The following PLXNA4 variants were observed in gnomAD, a reference collection of about 807,000 sequenced individuals.
PLXNA4 encodes plexin A4, also known as plexin-A4.
A neutral mutation model predicts 191.8 loss-of-function variants in PLXNA4; 44 were observed. That is an observed-to-expected ratio of 0.23 (90% confidence interval 0.18 to 0.29). PLXNA4 has a LOEUF of 0.29. Ranked by LOEUF, PLXNA4 falls within the 10% of genes least tolerant of loss-of-function variation. PLXNA4 has a pLI of 1.00. For missense variants in PLXNA4, 1,800 were observed against 2,488.8 expected (o/e 0.72, Z 5.89); for synonymous variants, 1,082 against 1,009.5 (o/e 1.07, Z -1.36).
At chr7:132,535,580 T>A (rs1306254128) in intron 1 of PLXNA4, among the ~76,000 whole-genome samples, 2 of 152,140 alleles carry the variant, frequency 1.3e-5, no homozygotes, top group Admixed American at 1.3e-4. Context: ...ATTCATCTCA[T>A]TTACCTCGAT....
chr7:132,424,066 G>A (rs1211026967), intron 3 of PLXNA4, among the ~76,000 whole-genome samples: 1 of 152,068 alleles, frequency 6.6e-6, no homozygotes, highest in Non-Finnish European at 1.5e-5. Flanking sequence ...CTTGATTCTA[G>A]CCCCACTTTA....
At chr7:132,335,859 G>GGTGGC (rs1195878316) in intron 3 of PLXNA4, among the ~76,000 whole-genome samples, 2 of 152,196 alleles carry the variant, frequency 1.3e-5, no homozygotes, top group African/African-American at 4.8e-5. Flanking sequence ...CTTGTCTCAA[G>GGTGGC]ACCTTTTTCC....
At chr7:132,451,710 T>C (rs112361371) in intron 3 of PLXNA4, among the ~76,000 whole-genome samples, 2 of 152,300 alleles carry the variant, frequency 1.3e-5, no homozygotes, top group African/African-American at 2.4e-5. Context: ...AAGAGCTTGG[T>C]CCACGGACTC....
At chr7:132,576,502 C>T, upstream of PLXNA4, 2 of 985,214 alleles carry the variant, frequency 2.0e-6, no homozygotes, top group Admixed American at 6.2e-5. The surrounding 1 kb of genome is among the most constrained non-coding windows in gnomAD (Gnocchi z 5.8). Flanking sequence ...GCCTCTCGCC[C>T]TCCTCTGAAC....
chr7:132,263,326 C>T (rs1416365774), intron 4 of PLXNA4, among the ~76,000 whole-genome samples: 1 of 152,198 alleles, frequency 6.6e-6, no homozygotes, highest in African/African-American at 2.4e-5. Flanking sequence ...CCACCCTGCA[C>T]AGGCTTACCA....
intron 3 of PLXNA4, among the ~76,000 whole-genome samples, chr7:132,415,818 G>A (rs1794640316): frequency 6.6e-6 from 1 of 152,188 alleles, no homozygotes; most frequent in Non-Finnish European, 1.5e-5. Flanking sequence ...CCAAGGTTCT[G>A]CAGCTAGTAA....
intron 3 of PLXNA4, among the ~76,000 whole-genome samples, chr7:132,317,150 G>A (rs1487072453): frequency 6.6e-6 from 1 of 152,102 alleles, no homozygotes; most frequent in Non-Finnish European, 1.5e-5. Context: ...GTGTTGAATT[G>A]AATTGGGCTG....
intron 28 of PLXNA4, chr7:132,145,579 T>G (rs759701363): frequency 2.5e-6 from 1 of 398,908 alleles, no homozygotes; most frequent in Non-Finnish European, 4.6e-6. Flanking sequence ...GGTGTTATTT[T>G]AGCACTTTTC....
At chr7:132,223,232 C>T (rs1351667712) in intron 9 of PLXNA4, among the ~76,000 whole-genome samples, 1 of 152,182 alleles carries the variant, frequency 6.6e-6, no homozygotes, top group African/African-American at 2.4e-5. Flanking sequence ...CCAACACACC[C>T]ATCTCTTTGG....
At position 132,250,661 on chromosome 7, in the gene PLXNA4, C is replaced by T. The variant is rs561043552; in HGVS notation, c.1504-9495G>A. Among the ~76,000 whole-genome samples the T allele has an allele frequency of 6.6e-5, 10 of 152,318 alleles. No individual in the cohort carries two copies. In the East Asian group the frequency reaches 1.7e-3, roughly 26 times the overall value. ...CCTATGCATTTGACAGAGGAGACTG[C>T]AGCCAGAGCAACCCCTCCAACATGG... On this transcript the variant is annotated intron_variant, in intron 4 of 31. Coordinates refer to ENST00000321063, the MANE Select transcript of PLXNA4 (RefSeq NM_020911.2).
chr7:132,469,703 T>G (rs1167357434), intron 3 of PLXNA4, among the ~76,000 whole-genome samples: 1 of 152,262 alleles, frequency 6.6e-6, no homozygotes, highest in East Asian at 1.9e-4. Context: ...TCCATTCTAA[T>G]TTTTCTGTCT....
At chr7:132,162,671 CCT>C (rs143487811) in intron 24 of PLXNA4, among the ~76,000 whole-genome samples, 2 of 151,814 alleles carry the variant, frequency 1.3e-5, no homozygotes, top group Middle Eastern at 3.4e-3. Context: ...TTAATCGGAG[CCT>C]CTCTCTCTCT....
At chr7:132,378,847 CTTTTTT>C (rs11375919) in intron 3 of PLXNA4, among the ~76,000 whole-genome samples, 2 of 119,050 alleles carry the variant, frequency 1.7e-5, no homozygotes, top group African/African-American at 6.6e-5. Flanking sequence ...GGCACTGGAT[CTTTTTT>C]TTTTTTTTTT....
intron 3 of PLXNA4, among the ~76,000 whole-genome samples, chr7:132,419,296 GT>G (rs1293338783): frequency 6.6e-6 from 1 of 152,170 alleles, no homozygotes; most frequent in African/African-American, 2.4e-5. Flanking sequence ...GTACCCACCA[GT>G]TTAGCTTGGA....
At chr7:132,462,071 G>T (rs969151788) in intron 3 of PLXNA4, among the ~76,000 whole-genome samples, 8 of 152,172 alleles carry the variant, frequency 5.3e-5, no homozygotes, top group African/African-American at 1.9e-4. Flanking sequence ...ATGAATCCAT[G>T]TTGAAATTAT....
At chr7:132,544,727 A>G (rs1034610104) in intron 1 of PLXNA4, among the ~76,000 whole-genome samples, 1 of 152,250 alleles carries the variant, frequency 6.6e-6, no homozygotes, top group Admixed American at 6.5e-5. Flanking sequence ...TTCTTGGCCT[A>G]GATGTCTGTC....
At chr7:132,395,634 C>A (rs1276687940) in intron 3 of PLXNA4, among the ~76,000 whole-genome samples, 3 of 152,244 alleles carry the variant, frequency 2.0e-5, no homozygotes, top group African/African-American at 7.2e-5. Context: ...GGCACCCATG[C>A]AGGCAGCCTC....
At chr7:132,275,842 C>A (rs76997047) in intron 4 of PLXNA4, among the ~76,000 whole-genome samples, 7,036 of 152,238 alleles carry the variant, frequency 0.046, 225 homozygotes, top group African/African-American at 0.086. Context: ...TCCCATTTTC[C>A]CTCTCTGCAG....
chr7:132,628,960 A>T (rs979320463), intron 2 of PLXNA4, among the ~76,000 whole-genome samples: 68 of 152,318 alleles, frequency 4.5e-4, no homozygotes, highest in African/African-American at 1.6e-3. Flanking sequence ...CAGATGTCTT[A>T]TGTCCTTGGC....
Sources: allele counts gnomAD v4.1 joint callset (sites outside exome capture counted in the v4.1 genomes callset), GRCh38; gene constraint gnomAD v4.1.1; non-coding constraint Gnocchi (gnomAD v3.1); transcripts MANE v1.5; gene names NCBI Gene and HGNC (gene_info 2026-07-23, HGNC 2026-07-21).